The following JMJD1C variants were observed in gnomAD, a reference collection of about 807,000 sequenced individuals.
The protein encoded by JMJD1C is jumonji domain-containing protein 1C.
Under a neutral mutation model 245.3 loss-of-function variants are expected in JMJD1C, and 31 were observed. The ratio of observed to expected loss-of-function variants is 0.13; its 90% confidence interval spans 0.09 to 0.17. JMJD1C has a LOEUF of 0.17. JMJD1C is among the 10% of genes least tolerant of loss of function. JMJD1C has a pLI of 1.00. For missense variants in JMJD1C, 2,691 were observed against 3,000.2 expected (o/e 0.90, Z 2.41); for synonymous variants, 1,057 against 1,017.4 (o/e 1.04, Z -0.74).
chr10:63,455,305 A>G (rs1952341946), intron 1 of JMJD1C, among the ~76,000 whole-genome samples: 1 of 152,182 alleles, frequency 6.6e-6, no homozygotes, highest in Admixed American at 6.5e-5. Flanking sequence ...GGTCTAGAAA[A>G]AAACCATTCA....
At chr10:63,254,899 G>A (rs1173026612) in intron 3 of JMJD1C, among the ~76,000 whole-genome samples, 2 of 150,834 alleles carry the variant, frequency 1.3e-5, no homozygotes, top group Non-Finnish European at 2.9e-5. Flanking sequence ...TGTCACCCAG[G>A]CTCAAGTGCA....
At chr10:63,316,007 A>G (rs1589457002) in intron 2 of JMJD1C, among the ~76,000 whole-genome samples, 1 of 152,142 alleles carries the variant, frequency 6.6e-6, no homozygotes, top group Non-Finnish European at 1.5e-5. Flanking sequence ...CTGTCTCCTT[A>G]AAAAATAAAA....
chr10:63,206,998 T>C lies in JMJD1C; in HGVS notation c.4671A>G (p.Arg1557=), dbSNP rs1470478478. Residue 1557 remains arginine (R), a synonymous_variant, in exon 10 of 26, where the codon AGA becomes AGG. Transcript: ENST00000399262. ...HTKLKKAWLT[R]HSEEDKNTNK... ...TAGTATTTTTATCTTCTTCTGAGTG[T>C]CTGGTGAGCCAGGCCTTTTTCAGTT... 6.2e-7 allele frequency: 1 copy of C among 1,613,200 alleles called. No individual in the cohort carries two copies. Among genetic ancestry groups the C allele is most frequent in the Non-Finnish European group, 8.5e-7 (1 of 1,179,794 alleles).
chr10:63,449,305 A>G (rs1256858393), intron 1 of JMJD1C, among the ~76,000 whole-genome samples: 1 of 152,278 alleles, frequency 6.6e-6, no homozygotes, highest in African/African-American at 2.4e-5. Context: ...TAAATATTAT[A>G]TTTCCATTGA....
chr10:63,375,036 T>C (rs1946613013), intron 2 of JMJD1C, among the ~76,000 whole-genome samples: 1 of 152,198 alleles, frequency 6.6e-6, no homozygotes. Context: ...TTCTGGACTA[T>C]AACTTCAAAT....
At chr10:63,271,821 C>T (rs1856335033) in intron 2 of JMJD1C, among the ~76,000 whole-genome samples, 1 of 152,106 alleles carries the variant, frequency 6.6e-6, no homozygotes, top group East Asian at 1.9e-4. Flanking sequence ...AGGTTAGCTA[C>T]TGAAAAGAGG....
At chr10:63,382,545 C>G (rs1025575784) in intron 1 of JMJD1C, among the ~76,000 whole-genome samples, 1 of 152,004 alleles carries the variant, frequency 6.6e-6, no homozygotes, top group Non-Finnish European at 1.5e-5. Context: ...ATGAAAATAT[C>G]TAAATATAAA....
intron 2 of JMJD1C, among the ~76,000 whole-genome samples, chr10:63,362,718 C>T (rs1238992962): frequency 1.3e-5 from 2 of 152,050 alleles, no homozygotes; most frequent in African/African-American, 4.8e-5. Context: ...TGGGCTCAAG[C>T]AATCTGCCTG....
At chr10:63,488,812 T>C (rs9919452) in intron 1 of JMJD1C, among the ~76,000 whole-genome samples, 100,322 of 152,096 alleles carry the variant, frequency 0.66, 36,021 homozygotes, top group Non-Finnish European at 0.81. Flanking sequence ...TGAGAGGAGC[T>C]TGAGGGTGCT....
At chr10:63,283,853 A>C (rs534759005) in intron 2 of JMJD1C, among the ~76,000 whole-genome samples, 6 of 152,268 alleles carry the variant, frequency 3.9e-5, no homozygotes, top group African/African-American at 1.2e-4. Flanking sequence ...ACAAAAAAAA[A>C]CCATTTAAAG....
At chr10:63,314,075 C>T (rs1346261900) in intron 2 of JMJD1C, among the ~76,000 whole-genome samples, 1 of 152,182 alleles carries the variant, frequency 6.6e-6, no homozygotes, top group East Asian at 1.9e-4. Context: ...AGTCTTTGAT[C>T]TACTTTGAGT....
chr10:63,203,046 C>T, intron 10 of JMJD1C: 1 of 984,856 alleles, frequency 1.0e-6, no homozygotes, highest in Non-Finnish European at 1.2e-6. Context: ...CAAAGCAAAT[C>T]TCAATTATGT....
chr10:63,213,388 C>T (rs755767253), intron 8 of JMJD1C, 85 bp downstream of exon 8: 10 of 837,984 alleles, frequency 1.2e-5, no homozygotes, highest in Middle Eastern at 2.4e-4. Flanking sequence ...AGGAAATGAC[C>T]TAAAAAATAG....
chr10:63,516,846 C>T (rs962311887), intron 1 of JMJD1C, among the ~76,000 whole-genome samples: 1 of 152,200 alleles, frequency 6.6e-6, no homozygotes, highest in Non-Finnish European at 1.5e-5. Context: ...CTATTGCTAT[C>T]TGATCATTGT....
chr10:63,391,557 T>C (rs1948063179), intron 1 of JMJD1C, among the ~76,000 whole-genome samples: 1 of 151,740 alleles, frequency 6.6e-6, no homozygotes, highest in Non-Finnish European at 1.5e-5. Flanking sequence ...ACAATTCCAT[T>C]TATAATACCT....
chr10:63,319,637 T>A (rs7088045), intron 2 of JMJD1C, among the ~76,000 whole-genome samples: 89,123 of 152,070 alleles, frequency 0.59, 28,177 homozygotes, highest in Non-Finnish European at 0.72. Flanking sequence ...CTGTATTTGA[T>A]AGCTGTCAAT....
chr10:63,340,699 C>T (rs1193309001), intron 2 of JMJD1C, among the ~76,000 whole-genome samples: 1 of 152,122 alleles, frequency 6.6e-6, no homozygotes, highest in Non-Finnish European at 1.5e-5. Context: ...AATCCCAGCA[C>T]TTTGGGAGGC....
rs1278574313 is a variant in JMJD1C at position 63,234,507 on chromosome 10, A to AC, written c.448-14525_448-14524insG. 2.2e-3 allele frequency among the ~76,000 whole-genome samples: 322 copies of AC among 149,340 alleles called. 1 individual carries two copies. Among genetic ancestry groups the AC allele is most frequent in the Non-Finnish European group, 3.6e-3 (241 of 67,274 alleles). On this transcript the variant is annotated intron_variant, in intron 3 of 25. Transcript: ENST00000399262. The stretch of plus-strand genomic sequence containing the variant: ...AAACCTCCTCTTAAAAAAAAAAAAA[A>AC]AAAAAAAAAAAAAACACCAAAAACA...
intron 3 of JMJD1C, among the ~76,000 whole-genome samples, chr10:63,260,640 A>G (rs993191429): frequency 6.6e-6 from 1 of 152,048 alleles, no homozygotes; most frequent in Admixed American, 6.6e-5. Context: ...CCCAGGCTAG[A>G]GTGCAGTGGC....
Sources: allele counts gnomAD v4.1 joint callset (sites outside exome capture counted in the v4.1 genomes callset), GRCh38; gene constraint gnomAD v4.1.1; transcripts MANE v1.5; gene names NCBI Gene and HGNC (gene_info 2026-07-23, HGNC 2026-07-21).